The following DNAJB6 variants were observed in gnomAD, a reference collection of about 807,000 sequenced individuals.
The protein encoded by DNAJB6 is dnaJ homolog subfamily B member 6.
A neutral mutation model predicts 42.7 loss-of-function variants in DNAJB6; 16 were observed. The ratio of observed to expected loss-of-function variants is 0.37; its 90% CI spans 0.25 to 0.57. DNAJB6 has a LOEUF of 0.57. DNAJB6 is among the 20% of genes least tolerant of loss of function. The probability of loss-of-function intolerance (pLI) is 0.74; values close to 1 mark genes in which losing one functional copy is unlikely to be tolerated. For missense variants in DNAJB6, 347 were observed against 416.8 expected (o/e 0.83, Z 1.46); for synonymous variants, 170 against 163.5 (o/e 1.04, Z -0.30).
chr7:157,404,549 T>C (rs1484986843), intron 8 of DNAJB6, among the ~76,000 whole-genome samples: 6 of 148,644 alleles, frequency 4.0e-5, no homozygotes, highest in African/African-American at 1.5e-4. Context: ...CTCGCTCTGT[T>C]GCCCAGCCTG....
chr7:157,346,950 G>T (rs1240640103), intron 1 of DNAJB6, among the ~76,000 whole-genome samples: 1 of 152,172 alleles, frequency 6.6e-6, no homozygotes, highest in Non-Finnish European at 1.5e-5. Context: ...CCACCTCTCG[G>T]GTTCACACCG....
intron 1 of DNAJB6, among the ~76,000 whole-genome samples, chr7:157,355,687 C>G (rs1457741005): frequency 1.3e-5 from 2 of 152,162 alleles, no homozygotes; most frequent in African/African-American, 4.8e-5. Flanking sequence ...GTAAGCAGTG[C>G]AGGAGGAGCG....
At chr7:157,364,815 T>C (rs1210814477) in intron 3 of DNAJB6, among the ~76,000 whole-genome samples, 2 of 152,232 alleles carry the variant, frequency 1.3e-5, no homozygotes, top group Non-Finnish European at 2.9e-5. Context: ...CATGTCCTTT[T>C]AGGCAGCCTT....
chr7:157,353,925 A>T (rs1331330457), intron 1 of DNAJB6, among the ~76,000 whole-genome samples: 5 of 152,046 alleles, frequency 3.3e-5, no homozygotes, highest in African/African-American at 7.2e-5. Context: ...TGGCCTCCCA[A>T]AGTGCTGGAA....
intron 5 of DNAJB6, among the ~76,000 whole-genome samples, chr7:157,377,380 T>C (rs1800525641): frequency 6.6e-6 from 1 of 152,214 alleles, no homozygotes; most frequent in African/African-American, 2.4e-5. Context: ...TTTCAAGTAA[T>C]GTTTGTACCT....
At chr7:157,387,831 GT>G (rs869227690) in intron 8 of DNAJB6, among the ~76,000 whole-genome samples, 5 of 151,566 alleles carry the variant, frequency 3.3e-5, no homozygotes, top group Middle Eastern at 6.9e-3. Context: ...GAAAACTACT[GT>G]TTTGTTTGTT....
chr7:157,384,982 T>G lies in DNAJB6; in HGVS notation c.594T>G (p.Val198=), dbSNP rs1430423735. 6.2e-7 allele frequency: 1 copy of G among 1,614,038 alleles called. No individual in the cohort carries two copies. Among genetic ancestry groups the G allele is most frequent in the African/African-American group, 1.3e-5 (1 of 74,938 alleles). The change falls in exon 7 of 10, where the codon GTT becomes GTG. Residue 198 remains valine (V), a synonymous_variant. Transcript: ENST00000262177. ...FKSISTSTKM[V]NGRKITTKRI... is the part of the protein sequence containing the mutation. ...CGATATCAACTTCAACTAAAATGGT[T>G]AATGGCAGAAAAATCACTACAAAGA...
At chr7:157,368,690 T>G (rs1799961207) in intron 5 of DNAJB6, 1 of 154,202 alleles carries the variant, frequency 6.5e-6, no homozygotes, top group Non-Finnish European at 1.4e-5. Context: ...TCCTGAGTGG[T>G]GCACTGGGTG....
chr7:157,371,055 A>G (rs1800184891), intron 5 of DNAJB6, among the ~76,000 whole-genome samples: 1 of 152,184 alleles, frequency 6.6e-6, no homozygotes, highest in Non-Finnish European at 1.5e-5. Context: ...GCTCAGTGGC[A>G]GCATTGGAGT....
At chr7:157,359,660 C>T (rs761755419) in intron 2 of DNAJB6, among the ~76,000 whole-genome samples, 3 of 151,876 alleles carry the variant, frequency 2.0e-5, no homozygotes, top group Non-Finnish European at 4.4e-5. Flanking sequence ...ACTGTCTTGA[C>T]CAAAAAAAAA....
At chr7:157,356,527 C>G (rs1003799980) in intron 1 of DNAJB6, among the ~76,000 whole-genome samples, 5 of 152,146 alleles carry the variant, frequency 3.3e-5, no homozygotes, top group East Asian at 1.9e-4. Flanking sequence ...GGGAGGAAAT[C>G]TTTCATAACT....
intron 1 of DNAJB6, among the ~76,000 whole-genome samples, chr7:157,350,797 C>T (rs917442153): frequency 6.6e-6 from 1 of 151,736 alleles, no homozygotes; most frequent in African/African-American, 2.4e-5. Flanking sequence ...TCAAGTGAGT[C>T]TCCTGCCTCA....
chr7:157,349,617 G>T (rs1477222032), intron 1 of DNAJB6, among the ~76,000 whole-genome samples: 2 of 152,060 alleles, frequency 1.3e-5, no homozygotes, highest in East Asian at 3.9e-4. Context: ...CGAGTAGCTG[G>T]GACCATGCGC....
At chr7:157,386,856 C>G (rs752820491) in intron 8 of DNAJB6, among the ~76,000 whole-genome samples, 20 of 150,550 alleles carry the variant, frequency 1.3e-4, no homozygotes, top group Middle Eastern at 3.4e-3. Context: ...TGCACTCCAG[C>G]CTGGGAGACA....
intron 9 of DNAJB6, chr7:157,411,323 C>G (rs1232621828): frequency 7.5e-6 from 1 of 133,126 alleles, no homozygotes; most frequent in African/African-American, 2.9e-5. Flanking sequence ...GTGGGGGAGA[C>G]TCCCCACGGT....
chr7:157,382,485 T>C (rs1037753004), intron 6 of DNAJB6, 108 bp downstream of exon 6: 108 of 1,242,578 alleles, frequency 8.7e-5, no homozygotes, highest in Non-Finnish European at 1.1e-4. Flanking sequence ...ATACCTTTCG[T>C]AGAATAGCAT....
At chr7:157,361,194 T>C (rs1799569207) in intron 2 of DNAJB6, among the ~76,000 whole-genome samples, 1 of 151,672 alleles carries the variant, frequency 6.6e-6, no homozygotes, top group East Asian at 1.9e-4. Flanking sequence ...TGTCTCGCTA[T>C]GTCACCCAGG....
chr7:157,399,955 C>T (rs866106719), intron 8 of DNAJB6, among the ~76,000 whole-genome samples: 8 of 152,226 alleles, frequency 5.3e-5, no homozygotes, highest in African/African-American at 1.2e-4. Context: ...AGACGTGAGC[C>T]GCCGCACCCG....
chr7:157,417,001 G>A lies in DNAJB6; in HGVS notation c.*903G>A, dbSNP rs1056607142. ...TTTGCATGATGTATTGCTTCTTCAC[G>A]TTTTGTTTTTATTGAGCACGGAGTA... On this transcript the variant is annotated 3_prime_UTR_variant, in exon 10 of 10. Coordinates refer to ENST00000262177, the MANE Select transcript of DNAJB6 (RefSeq NM_058246.4). The A allele has an allele frequency of 3.3e-5, 5 of 152,138 alleles. No homozygotes were observed. The highest frequency in any genetic ancestry group is 4.8e-5 in the African/African-American group (2 of 41,430). The allele number at this position is 152,138 out of a possible 1,614,324, so 9.4% of individuals were successfully genotyped here.
Sources: allele counts gnomAD v4.1 joint callset (sites outside exome capture counted in the v4.1 genomes callset), GRCh38; gene constraint gnomAD v4.1.1; transcripts MANE v1.5; gene names NCBI Gene and HGNC (gene_info 2026-07-23, HGNC 2026-07-21).